The following KIF17 variants were observed in gnomAD, a reference collection of about 807,000 sequenced individuals.
KIF17 encodes the protein kinesin family member 17, also known as kinesin-like protein KIF17.
In KIF17, 80 loss-of-function variants were observed where a neutral mutation model predicts 96.8. That is an observed-to-expected ratio of 0.83 (90% CI 0.69 to 1.00). The LOEUF (loss-of-function observed/expected upper bound fraction) is 1.00. KIF17 is among the 50% of genes least tolerant of loss of function. The pLI is 0.00. For missense variants in KIF17, 1,280 were observed against 1,372.9 expected (o/e 0.93, Z 1.07); for synonymous variants, 567 against 587.5 (o/e 0.97, Z 0.51).
At chr1:20,701,243 AAC>A in intron 5 of KIF17, among the ~76,000 whole-genome samples, 1 of 152,190 alleles carries the variant, frequency 6.6e-6, no homozygotes, top group Non-Finnish European at 1.5e-5. Context: ...CATCCTGGCT[AAC>A]ACGGTAAAAC....
chr1:20,688,049 T>C, intron 7 of KIF17, 105 bp from the exon 8 acceptor site: 1 of 967,324 alleles, frequency 1.0e-6, no homozygotes, highest in Non-Finnish European at 1.6e-6. Context: ...TGTTTGTTTT[T>C]TTTTTGTTTT....
chr1:20,687,703 T>C lies in KIF17; in HGVS notation c.1623A>G (p.Ser541=). The C allele has an allele frequency of 6.2e-7, 1 of 1,614,174 alleles. No individual in the cohort carries two copies. The highest frequency in any genetic ancestry group is 2.2e-5 in the East Asian group (1 of 44,878). ...KSEISLGSSE[S]SSLEETSVSE... is the part of the protein sequence containing the mutation. ...ACACAGAGGTTTCTTCGAGCGAGGA[T>C]GACTCACTGGAGCCCAGAGAAATCT... The change falls in exon 8 of 15, where the codon TCA becomes TCG. Residue 541 remains serine, a synonymous_variant. Transcript: ENST00000400463. This position sits in a 1 kb window ranked among gnomAD's most constrained non-coding sequence, Gnocchi z 4.4.
At chr1:20,691,624 ATT>A (rs72410884) in intron 6 of KIF17, among the ~76,000 whole-genome samples, 23,039 of 120,390 alleles carry the variant, frequency 0.19, 2,570 homozygotes, top group East Asian at 0.61. Flanking sequence ...ACGTCTGGCT[ATT>A]TTTTTTTTTT....
At chr1:20,677,516 A>G (rs1448911806) in intron 11 of KIF17, among the ~76,000 whole-genome samples, 2 of 152,208 alleles carry the variant, frequency 1.3e-5, no homozygotes, top group Non-Finnish European at 2.9e-5. Context: ...GACTGACTCA[A>G]TAAGCAATGA....
chr1:20,690,710 G>A (rs1351458048), intron 6 of KIF17, among the ~76,000 whole-genome samples: 60 of 149,246 alleles, frequency 4.0e-4, no homozygotes, highest in South Asian at 1.3e-3. Flanking sequence ...TTTTTGAGAC[G>A]GAGTCTCGCT....
intron 10 of KIF17, among the ~76,000 whole-genome samples, chr1:20,683,580 A>G (rs1246498824): frequency 1.3e-5 from 2 of 152,014 alleles, no homozygotes; most frequent in Non-Finnish European, 1.5e-5. Flanking sequence ...GCTTGAACCC[A>G]GGAGGCAGAG....
At chr1:20,667,136 A>G (rs180783296) in intron 13 of KIF17, among the ~76,000 whole-genome samples, 9 of 152,304 alleles carry the variant, frequency 5.9e-5, no homozygotes, top group Admixed American at 5.9e-4. Context: ...TGGGCTGCAC[A>G]GCAGGAAGTG....
intron 5 of KIF17, among the ~76,000 whole-genome samples, chr1:20,703,282 T>G (rs2054275109): frequency 6.6e-6 from 1 of 151,734 alleles, no homozygotes; most frequent in Non-Finnish European, 1.5e-5. Context: ...GATGAATAGA[T>G]GGATGCATGG....
intron 13 of KIF17, among the ~76,000 whole-genome samples, chr1:20,666,741 GA>G (rs967914365): frequency 1.1e-4 from 16 of 152,176 alleles, no homozygotes; most frequent in African/African-American, 3.9e-4. Flanking sequence ...GTACATTTGT[GA>G]TCATTAGAAC....
rs558585734 is a variant in KIF17 at position 20,681,481 on chromosome 1, C to T, written c.2463+1172G>A. Among the ~76,000 whole-genome samples, 210 of 151,974 alleles carry T rather than the reference C, an allele frequency of 1.4e-3. 1 individual carries two copies. Among genetic ancestry groups the T allele is most frequent in the Admixed American group, 2.8e-3 (43 of 15,258 alleles). ...TGCTGGGATTACAGGCGAGAGCCACCGCGCCCAGCCAAAAGAGGCAAAGTT... is the reference window on the plus strand; with the variant it reads ...TGCTGGGATTACAGGCGAGAGCCACTGCGCCCAGCCAAAAGAGGCAAAGTT... On this transcript the variant is annotated intron_variant, in intron 11 of 14. Transcript: ENST00000400463.
chr1:20,717,445 G>T, intron 1 of KIF17, 31 bp downstream of exon 1: 2 of 1,607,332 alleles, frequency 1.2e-6, no homozygotes, highest in South Asian at 1.1e-5. Flanking sequence ...ATGCCCTGCC[G>T]CCTGCAGGGC....
chr1:20,670,449 G>C lies in KIF17; in HGVS notation c.2762C>G (p.Ser921Cys), dbSNP rs530985178. The change falls in exon 13 of 15, where the codon TCT (serine) becomes TGT (cysteine). Residue 921 changes from serine (S) to cysteine (C), a missense_variant. Physicochemically the swap from Ser to Cys is moderately radical, Grantham distance 112. Transcript: ENST00000400463. Reference protein sequence around the residue: ...GPQNKPARKTSAADNGEPNME... With the variant: ...GPQNKPARKTCAADNGEPNME... ...GTTCGGCTCGCCATTGTCTGCTGCA[G>C]AGGTTTTGCGGGCTGGTTTGTTCTG... The C allele has an allele frequency of 6.2e-7, 1 of 1,614,054 alleles. No homozygotes were observed. Among genetic ancestry groups the C allele is most frequent in the South Asian group, 1.1e-5 (1 of 91,084 alleles).
intron 8 of KIF17, chr1:20,686,336 G>A: frequency 1.6e-6 from 1 of 621,556 alleles, no homozygotes; most frequent in South Asian, 1.8e-5. Context: ...CAGGCGTGTG[G>A]TGGGCACCTG....
rs971019796 is a variant in KIF17, at chr1:20,704,185, T to C, written c.1123+262A>G. Among the ~76,000 whole-genome samples the C allele has an allele frequency of 8.7e-5, 13 of 150,246 alleles. No individual in the cohort carries two copies. The South Asian group carries it at 2.1e-3, about 24-fold the overall frequency. On this transcript the variant is annotated intron_variant, in intron 5 of 14. Coordinates refer to ENST00000400463, the MANE Select transcript of KIF17 (RefSeq NM_001122819.3). The surrounding 1 kb of genome is among the most constrained non-coding windows in gnomAD (Gnocchi z 6.8). ...TGGTGGGGGTGGGGGGGATAATGGA[T>C]GAGCAGATGAGAGGCGGGGAGTGGG...
chr1:20,713,018 C>T (rs1053115641), intron 3 of KIF17, among the ~76,000 whole-genome samples: 2 of 143,264 alleles, frequency 1.4e-5, no homozygotes, highest in Non-Finnish European at 3.0e-5. Context: ...TATTTTGAGA[C>T]GGAGTCTCAC....
chr1:20,676,003 G>A (rs965982328), intron 11 of KIF17, among the ~76,000 whole-genome samples: 4 of 152,002 alleles, frequency 2.6e-5, no homozygotes, highest in Non-Finnish European at 5.9e-5. Context: ...TTGTGCCACT[G>A]CACTCCAGCC....
At position 20,717,806 on chromosome 1, in the gene KIF17, G is replaced by T; in HGVS notation, c.-100C>A. 2.3e-6 allele frequency: 3 copies of T among 1,296,984 alleles called. No individual in the cohort carries two copies. Among genetic ancestry groups the T allele is most frequent in the Middle Eastern group, 5.8e-4 (2 of 3,468 alleles). 80.3% of individuals were successfully genotyped at this position (1,296,984 alleles called of 1,614,324 possible). ...GGGCGGGGCCAGCGCCGGCCACGGGGGGCGGGGCCTTGAGGCAGGGGCGGG... is the reference window on the plus strand; with the variant it reads ...GGGCGGGGCCAGCGCCGGCCACGGGTGGCGGGGCCTTGAGGCAGGGGCGGG... On this transcript the variant is annotated 5_prime_UTR_variant, in exon 1 of 15. Coordinates refer to ENST00000400463, the MANE Select transcript of KIF17 (RefSeq NM_001122819.3).
At chr1:20,693,426 G>A (rs957959770) in intron 6 of KIF17, among the ~76,000 whole-genome samples, 1 of 150,758 alleles carries the variant, frequency 6.6e-6, no homozygotes, top group African/African-American at 2.4e-5. Flanking sequence ...CACCACACTC[G>A]GCTAATTTTT....
At position 20,717,796 on chromosome 1, in the gene KIF17, CG is replaced by C. The variant is rs1319774549; in HGVS notation, c.-91del. 34 of 1,338,802 alleles carry C rather than the reference CG, an allele frequency of 2.5e-5. No individual in the cohort carries two copies. Among genetic ancestry groups the C allele is most frequent in the Non-Finnish European group, 3.0e-5 (31 of 1,048,742 alleles). The allele number at this position is 1,338,802 out of a possible 1,614,324, so 82.9% of individuals were successfully genotyped here. ...CCGGGCCAAGGGGCGGGGCCAGCGCCGGCCACGGGGGGCGGGGCCTTGAGGC... is the reference window on the plus strand; with the variant it reads ...CCGGGCCAAGGGGCGGGGCCAGCGCCGCCACGGGGGGCGGGGCCTTGAGGC... On this transcript the variant is annotated 5_prime_UTR_variant, in exon 1 of 15. Coordinates refer to ENST00000400463, the MANE Select transcript of KIF17 (RefSeq NM_001122819.3).
Sources: gnomAD v4.1 joint callset for allele counts (sites outside exome capture counted in the v4.1 genomes callset) on GRCh38, gnomAD v4.1.1 for gene constraint, Gnocchi (gnomAD v3.1) non-coding constraint, MANE v1.5 for transcripts, NCBI Gene and HGNC (gene_info 2026-07-23, HGNC 2026-07-21) for gene names.